PARD3B: variants seen among roughly 807,000 people sequenced by gnomAD.
PARD3B encodes partitioning defective 3 homolog B.
Under a neutral mutation model 130.2 loss-of-function variants are expected in PARD3B, and 103 were observed. The observed-to-expected ratio is 0.79, with a 90% confidence interval of 0.67 to 0.93. The LOEUF is 0.93. Ranked by LOEUF, PARD3B falls within the 40% of genes least tolerant of loss-of-function variation. The probability of loss-of-function intolerance (pLI) is 0.00; values close to 1 mark genes in which losing one functional copy is unlikely to be tolerated. For synonymous variants in PARD3B, 583 were observed against 553.2 expected (o/e 1.05, Z -0.76); for missense variants, 1,609 against 1,499.2 (o/e 1.07, Z -1.21).
In PARD3B at chr2:204,721,121, T is replaced by C. The variant is rs75629764; in HGVS notation, c.222+34839T>C. 2.2e-3 allele frequency among the ~76,000 whole-genome samples: 339 copies of C among 152,284 alleles called. 3 individuals are homozygous for C. The highest frequency in any genetic ancestry group is 7.8e-3 in the African/African-American group (325 of 41,542). On this transcript the variant is annotated intron_variant, in intron 2 of 22. Coordinates refer to ENST00000406610, the MANE Select transcript of PARD3B (RefSeq NM_001302769.2). ...GGGTGGGGAAAGGTAGTCTGTAAGCTGCAGGCAAGTATACAGCTAAAACTT... is the reference window on the plus strand; with the variant it reads ...GGGTGGGGAAAGGTAGTCTGTAAGCCGCAGGCAAGTATACAGCTAAAACTT...
intron 4 of PARD3B, among the ~76,000 whole-genome samples, chr2:205,050,893 G>A (rs985471245): frequency 4.6e-5 from 7 of 152,030 alleles, no homozygotes; most frequent in East Asian, 1.9e-4. Flanking sequence ...AGTGCAATTC[G>A]GTTTGCCTGG....
intron 4 of PARD3B, among the ~76,000 whole-genome samples, chr2:205,067,708 G>A (rs2125474454): frequency 6.6e-6 from 1 of 152,174 alleles, no homozygotes; most frequent in Admixed American, 6.5e-5. Flanking sequence ...AGTTATTTCA[G>A]TGCCATTTAA....
chr2:205,348,626 C>A (rs1481446567), intron 18 of PARD3B, among the ~76,000 whole-genome samples: 3 of 152,148 alleles, frequency 2.0e-5, no homozygotes, highest in African/African-American at 7.2e-5. Context: ...ATTCACTGCA[C>A]AAAATGATGG....
chr2:205,552,676 A>T (rs138972435), intron 21 of PARD3B, among the ~76,000 whole-genome samples: 18 of 152,272 alleles, frequency 1.2e-4, no homozygotes, highest in African/African-American at 3.4e-4. Flanking sequence ...CTCCGAACAA[A>T]GTGCTGGGAT....
At chr2:205,363,295 C>T (rs1428371315) in intron 18 of PARD3B, among the ~76,000 whole-genome samples, 1 of 152,102 alleles carries the variant, frequency 6.6e-6, no homozygotes, top group African/African-American at 2.4e-5. Context: ...CAGTGGGATG[C>T]CTGGATAGGA....
chr2:205,538,231 TAA>T (rs1476654940), intron 21 of PARD3B, among the ~76,000 whole-genome samples: 1 of 151,834 alleles, frequency 6.6e-6, no homozygotes, highest in Non-Finnish European at 1.5e-5. Context: ...TCTCAGAAAA[TAA>T]AAAGAGAATA....
At chr2:205,330,510 T>C (rs2043085085) in intron 18 of PARD3B, among the ~76,000 whole-genome samples, 1 of 152,204 alleles carries the variant, frequency 6.6e-6, no homozygotes, top group African/African-American at 2.4e-5. Context: ...GAGGCAACTA[T>C]AGACCTGACT....
rs1283844677 is a variant in PARD3B at position 205,160,083 on chromosome 2, T to G, written c.1620+1176T>G. 1.3e-5 allele frequency among the ~76,000 whole-genome samples: 2 copies of G among 152,222 alleles called. No homozygotes were observed. The highest frequency in any genetic ancestry group is 3.8e-4 in the East Asian group (2 of 5,198). On this transcript the variant is annotated intron_variant, in intron 11 of 22. Transcript: ENST00000406610. The surrounding 1 kb of genome is among the most constrained non-coding windows in gnomAD (Gnocchi z 4.0). ...GTCGTCTCACACTTACCCTTCCACT[T>G]TTGTTTCAGACTAGATGTGGAGATA...
At chr2:205,104,593 T>G in intron 5 of PARD3B, 79 bp downstream of exon 5, 1 of 1,020,156 alleles carries the variant, frequency 9.8e-7, no homozygotes, top group Non-Finnish European at 1.5e-6. Context: ...TTGTTCTTAC[T>G]TTACAAGAAA....
chr2:204,563,848 A>G (rs537901033), intron 1 of PARD3B, among the ~76,000 whole-genome samples: 83 of 152,220 alleles, frequency 5.5e-4, no homozygotes, highest in Admixed American at 5.1e-3. Flanking sequence ...ATGTCGGCTC[A>G]CTGCCAGATC....
At chr2:204,642,004 A>G (rs4675471) in intron 1 of PARD3B, among the ~76,000 whole-genome samples, 101,673 of 151,906 alleles carry the variant, frequency 0.67, 37,503 homozygotes, top group South Asian at 0.81. Flanking sequence ...AGTATCTCAG[A>G]AAAAAAAATA....
intron 2 of PARD3B, among the ~76,000 whole-genome samples, chr2:204,819,447 T>A (rs1012173414): frequency 1.4e-4 from 21 of 152,328 alleles, no homozygotes; most frequent in African/African-American, 5.0e-4. Context: ...ACTCCACCAG[T>A]CAACTGTTCT....
chr2:205,485,109 A>G (rs959511523), intron 20 of PARD3B, among the ~76,000 whole-genome samples: 3 of 152,184 alleles, frequency 2.0e-5, no homozygotes, highest in African/African-American at 7.2e-5. Flanking sequence ...TTCTCTGCCT[A>G]CTTTCCCTTA....
chr2:205,369,294 A>T (rs761451322), intron 18 of PARD3B, among the ~76,000 whole-genome samples: 8 of 152,282 alleles, frequency 5.3e-5, no homozygotes, highest in Non-Finnish European at 1.0e-4. Flanking sequence ...TCCAGCGTCT[A>T]GTCACCACCC....
chr2:204,670,288 C>T (rs1165311771), intron 1 of PARD3B, among the ~76,000 whole-genome samples: 2 of 152,138 alleles, frequency 1.3e-5, no homozygotes, highest in Admixed American at 6.5e-5. Flanking sequence ...TGGCTGTGTT[C>T]CCTTTTATCT....
At chr2:205,605,617 C>G (rs1255024580) in intron 22 of PARD3B, among the ~76,000 whole-genome samples, 1 of 152,158 alleles carries the variant, frequency 6.6e-6, no homozygotes, top group Non-Finnish European at 1.5e-5. Flanking sequence ...GCTGCCTGCT[C>G]CCTCCTGTAG....
At chr2:205,502,924 G>C (rs1394986366) in intron 21 of PARD3B, among the ~76,000 whole-genome samples, 1 of 151,992 alleles carries the variant, frequency 6.6e-6, no homozygotes, top group Non-Finnish European at 1.5e-5. Flanking sequence ...GTGGCCTGAA[G>C]TCTAAGCTTT....
chr2:205,542,191 A>G (rs911359670), intron 21 of PARD3B, among the ~76,000 whole-genome samples: 1 of 148,556 alleles, frequency 6.7e-6, no homozygotes, highest in Non-Finnish European at 1.5e-5. Flanking sequence ...TTTGGGATCC[A>G]TAAAATTTTT....
chr2:205,614,202 T>C (rs773456300), intron 22 of PARD3B, among the ~76,000 whole-genome samples: 1 of 152,210 alleles, frequency 6.6e-6, no homozygotes, highest in African/African-American at 2.4e-5. Flanking sequence ...GCTTCTGTTA[T>C]GGCAAACGGA....
Sources: allele counts gnomAD v4.1 joint callset (sites outside exome capture counted in the v4.1 genomes callset), GRCh38; gene constraint gnomAD v4.1.1; non-coding constraint Gnocchi (gnomAD v3.1); transcripts MANE v1.5; gene names NCBI Gene and HGNC (gene_info 2026-07-23, HGNC 2026-07-21).